Variants in PRKX observed in about 807,000 individuals in gnomAD.
The protein encoded by PRKX is protein kinase cAMP-dependent X-linked catalytic subunit.
PRKX carries 12 observed loss-of-function variants against 22.0 expected under a neutral mutation model. That is an observed-to-expected ratio of 0.54 (90% CI 0.35 to 0.88). The LOEUF (loss-of-function observed/expected upper bound fraction) is 0.88, where lower values mean the gene tolerates loss of function less well. Ranked by LOEUF, PRKX falls within the 40% of genes least tolerant of loss-of-function variation. PRKX has a pLI of 0.01. For missense variants in PRKX, 217 were observed against 308.0 expected, an observed-to-expected ratio of 0.70 and a Z score of 2.21; for synonymous variants, 134 against 137.7, an observed-to-expected ratio of 0.97 and a Z score of 0.19.
chrX:3,655,335 A>G lies in PRKX; in HGVS notation c.413T>C (p.Leu138Pro), dbSNP rs1169729719. ...YVPGGELFSY[L>P]RNRGRFSSTT... ...GCTGGAGAAGCGCCCCCGGTTGCGC[A>G]GGTAGCTGAAGAGCTCGCCGCCCGG... Residue 138 changes from leucine to proline, a missense_variant, in exon 3 of 9, where the codon CTG becomes CCG. Leu to Pro is a moderately conservative substitution (Grantham distance 98). Transcript: ENST00000262848. 1 of 1,212,313 alleles carries G rather than the reference A, an allele frequency of 8.2e-7. No homozygotes were observed. Among genetic ancestry groups the G allele is most frequent in the Non-Finnish European group, 1.1e-6 (1 of 895,663 alleles).
chrX:3,618,696 G>C (rs1479558604), intron 6 of PRKX, among the ~76,000 whole-genome samples: 1 of 111,445 alleles, frequency 9.0e-6, no homozygotes, highest in East Asian at 2.8e-4. Context: ...GCTTTAACTA[G>C]ACTTTAAGAC....
At chrX:3,700,791 C>A (rs187001957) in intron 1 of PRKX, among the ~76,000 whole-genome samples, 10 of 108,603 alleles carry the variant, frequency 9.2e-5, no homozygotes, top group African/African-American at 3.4e-4. Flanking sequence ...CAGGTTTTCA[C>A]CATGTTGCCG....
At chrX:3,682,058 G>A (rs1032946315) in intron 1 of PRKX, among the ~76,000 whole-genome samples, 2 of 111,445 alleles carry the variant, frequency 1.8e-5, no homozygotes, top group African/African-American at 3.3e-5. Context: ...AATTTCACGC[G>A]GTCACAAAAC....
At chrX:3,652,533 G>A (rs181997876) in intron 3 of PRKX, among the ~76,000 whole-genome samples, 121 of 110,808 alleles carry the variant, frequency 1.1e-3, no homozygotes, top group African/African-American at 3.7e-3. Flanking sequence ...GCAGTGAGCC[G>A]AGATTGTGCC....
At chrX:3,682,664 T>C (rs1396353322) in intron 1 of PRKX, among the ~76,000 whole-genome samples, 1 of 106,766 alleles carries the variant, frequency 9.4e-6, no homozygotes, top group Non-Finnish European at 1.9e-5. Flanking sequence ...AGGCAGAGAG[T>C]ACAGTGATGC....
chrX:3,621,202 T>C (rs918434723), intron 6 of PRKX, 57 bp downstream of exon 6: 10 of 1,063,501 alleles, frequency 9.4e-6, no homozygotes, highest in South Asian at 1.9e-5. Context: ...ATGTGGGTGT[T>C]AGACGGCAGA....
At chrX:3,699,099 C>G (rs1456958635) in intron 1 of PRKX, among the ~76,000 whole-genome samples, 4 of 105,777 alleles carry the variant, frequency 3.8e-5, no homozygotes, top group African/African-American at 1.4e-4. Context: ...TACAGCGGCA[C>G]CATCTCGGTT....
chrX:3,616,022 A>T, intron 6 of PRKX, 130 bp from the exon 7 acceptor site: 1 of 592,760 alleles, frequency 1.7e-6, no homozygotes, highest in South Asian at 2.9e-5. Context: ...ATTTTGGAGA[A>T]CTGTGCCTGG....
chrX:3,607,579 C>G lies in PRKX; in HGVS notation c.*1390G>C, dbSNP rs1228820744. The G allele has an allele frequency of 9.0e-6, 1 of 111,332 alleles. No homozygotes were observed. Among genetic ancestry groups the G allele is most frequent in the Non-Finnish European group, 1.9e-5 (1 of 53,223 alleles). 9.2% of individuals were successfully genotyped at this position (111,332 alleles called of 1,213,427 possible). A position where few individuals can be genotyped will look rare whatever the true frequency, so the allele number is the denominator to read the frequency against. On this transcript the variant is annotated 3_prime_UTR_variant, in exon 9 of 9. Coordinates refer to ENST00000262848, the MANE Select transcript of PRKX (RefSeq NM_005044.5). ...TAAAGAGTTTATTCTGCTGAACCTA[C>G]TAATTATTCTCACCTACTGAGTTGA...
At chrX:3,621,998 G>A (rs771192895) in intron 5 of PRKX, among the ~76,000 whole-genome samples, 6 of 110,235 alleles carry the variant, frequency 5.4e-5, no homozygotes, top group African/African-American at 1.7e-4. Context: ...AAAGAAATTC[G>A]CTGGGCATGC....
At position 3,638,325 on chromosome X, in the gene PRKX, C is replaced by G. The variant is rs57934603; in HGVS notation, c.719+3527G>C. 7.2e-3 allele frequency among the ~76,000 whole-genome samples: 799 copies of G among 111,201 alleles called. 15 individuals are homozygous for G. The highest frequency in any genetic ancestry group is 0.025 in the African/African-American group (772 of 30,647). On this transcript the variant is annotated intron_variant, in intron 4 of 8. Transcript: ENST00000262848. ...CTAATAGTTCTATGTTGTATTCTAA[C>G]AATATTATGTCCTAATAGTATATTG...
At chrX:3,628,511 C>T (rs926798038) in intron 4 of PRKX, among the ~76,000 whole-genome samples, 11 of 111,457 alleles carry the variant, frequency 9.9e-5, no homozygotes, top group Admixed American at 4.8e-4. Context: ...TGAATATGTA[C>T]AATTATTATG....
Position 3,605,540 on chromosome X carries a change from T to C in PRKX, c.*3429A>G, listed in dbSNP as rs1330268054. ...CAATGGTCCAAAGAATTAGAGGCCA[T>C]GTAGGTCAAACACAGAAATGGCGAA... On this transcript the variant is annotated 3_prime_UTR_variant, in exon 9 of 9. Transcript: ENST00000262848. 8.8e-6 allele frequency: 1 copy of C among 113,006 alleles called. No individual in the cohort carries two copies. The highest frequency in any genetic ancestry group is 3.2e-5 in the African/African-American group (1 of 30,992). The allele number at this position is 113,006 out of a possible 1,213,427, so 9.3% of individuals were successfully genotyped here.
intron 3 of PRKX, among the ~76,000 whole-genome samples, chrX:3,644,400 CAAAAAAAAAAAAA>C (rs752467196): frequency 1.3e-4 from 5 of 37,110 alleles, no homozygotes. Flanking sequence ...GACACTGTCT[CAAAAAAAAAAAAA>C]AAAAAAAAAA....
chrX:3,688,458 A>AG (rs1928225901), intron 1 of PRKX, among the ~76,000 whole-genome samples: 1 of 103,500 alleles, frequency 9.7e-6, no homozygotes, highest in Non-Finnish European at 2.0e-5. Flanking sequence ...AAGAAAAAAA[A>AG]AAGGTTAACT....
intron 4 of PRKX, among the ~76,000 whole-genome samples, chrX:3,637,835 C>T (rs1310633850): frequency 5.6e-5 from 6 of 107,022 alleles, no homozygotes; most frequent in African/African-American, 1.7e-4. Flanking sequence ...GGTGCGATCT[C>T]GGCTCACCGC....
intron 4 of PRKX, among the ~76,000 whole-genome samples, chrX:3,640,334 A>G (rs1927051608): frequency 9.0e-6 from 1 of 111,207 alleles, no homozygotes; most frequent in Non-Finnish European, 1.9e-5. Flanking sequence ...GCAGAGCCAC[A>G]TGGTGCAACA....
At chrX:3,616,476 G>A (rs1446499328) in intron 6 of PRKX, among the ~76,000 whole-genome samples, 17 of 111,370 alleles carry the variant, frequency 1.5e-4, no homozygotes, top group Non-Finnish European at 3.0e-4. Context: ...TGGCCATCAC[G>A]ACCTCTGAAA....
intron 1 of PRKX, among the ~76,000 whole-genome samples, chrX:3,709,772 A>G (rs1025156924): frequency 3.6e-5 from 4 of 111,190 alleles, no homozygotes; most frequent in African/African-American, 1.3e-4. Context: ...TGAGTTTTTC[A>G]TTTCCATAAT....
Sources: allele counts gnomAD v4.1 joint callset (sites outside exome capture counted in the v4.1 genomes callset), GRCh38; gene constraint gnomAD v4.1.1; transcripts MANE v1.5; gene names NCBI Gene and HGNC (gene_info 2026-07-23, HGNC 2026-07-21).